The following FUS variants were observed in gnomAD, a reference collection of about 807,000 sequenced individuals.
FUS encodes RNA-binding protein FUS.
In FUS, 5 loss-of-function variants were observed where a neutral mutation model predicts 82.7. The observed-to-expected ratio is 0.06, with a 90% CI of 0.03 to 0.13. The LOEUF (loss-of-function observed/expected upper bound fraction) is 0.13, where lower values mean the gene tolerates loss of function less well. FUS is among the 10% of genes least tolerant of loss of function. The pLI, the probability that FUS is intolerant of heterozygous loss-of-function variation, is 1.00. For missense variants in FUS, 512 were observed against 707.8 expected (o/e 0.72, Z 3.14); for synonymous variants, 281 against 247.4 (o/e 1.14, Z -1.27).
intron 3 of FUS, chr16:31,183,593 G>A (rs191385840): frequency 2.4e-5 from 12 of 492,676 alleles, no homozygotes; most frequent in Non-Finnish European, 3.3e-5. Flanking sequence ...AGGGATCCTT[G>A]GGCCTGGGTT....
chr16:31,188,397 TG>T lies in FUS; in HGVS notation c.832+42del, dbSNP rs1452049359. 2.5e-6 allele frequency: 4 copies of T among 1,607,466 alleles called. No homozygotes were observed. In the African/African-American group the frequency reaches 5.4e-5, roughly 22 times the overall value. Reference sequence around the variant, plus strand: ...GGTGGCATGAAAAGAGTGGCTAAAGTGGTATCAAGACTGCCTGGATGTTCTT... The same window carrying T: ...GGTGGCATGAAAAGAGTGGCTAAAGTGTATCAAGACTGCCTGGATGTTCTT... On this transcript the variant is annotated intron_variant, in intron 8 of 14. Transcript: ENST00000254108.
chr16:31,189,610 G>T, intron 9 of FUS, 55 bp from the exon 10 acceptor site: 2 of 1,612,744 alleles, frequency 1.2e-6, no homozygotes, highest in East Asian at 4.5e-5. Flanking sequence ...GAAGAAGATG[G>T]AAAGGGAGTA....
intron 11 of FUS, 43 bp from the exon 12 acceptor site, chr16:31,190,232 A>G: frequency 6.2e-7 from 1 of 1,614,062 alleles, no homozygotes; most frequent in Non-Finnish European, 8.5e-7. Context: ...GATTTACCAA[A>G]CTTGGAGAGG....
At chr16:31,187,869 A>G (rs2079293312) in intron 7 of FUS, 3 of 247,774 alleles carry the variant, frequency 1.2e-5, no homozygotes, top group Admixed American at 1.0e-4. Context: ...GAAATTAAAA[A>G]TTGTTCCACA....
At position 31,184,997 on chromosome 16, in the gene FUS, T is replaced by C. The variant is rs752293264; in HGVS notation, c.582T>C (p.Tyr194=). ...MSSGGGSGGG[Y]GNQDQSGGGG... ...GTGGTGGTGGCAGTGGTGGCGGTTA[T>C]GGCAATCAAGACCAGAGTGGTGGAG... Residue 194 remains tyrosine (Y), a synonymous_variant, in exon 6 of 15, where the codon TAT becomes TAC. Coordinates refer to ENST00000254108, the MANE Select transcript of FUS (RefSeq NM_004960.4). The C allele has an allele frequency of 6.2e-6, 10 of 1,613,794 alleles. No homozygotes were observed. The highest frequency in any genetic ancestry group is 5.5e-5 in the South Asian group (5 of 91,064).
At position 31,183,883 on chromosome 16, in the gene FUS, C is replaced by G. The variant is rs756609265; in HGVS notation, c.216C>G (p.Pro72=). 1.9e-6 allele frequency: 3 copies of G among 1,614,166 alleles called. No individual in the cohort carries two copies. The highest frequency in any genetic ancestry group is 2.2e-5 in the South Asian group (2 of 91,082). The change falls in exon 4 of 15, where the codon CCC becomes CCG. Residue 72 remains proline, a synonymous_variant. Transcript: ENST00000254108. ...QNTGYGTQST[P]QGYGSTGGYG... is the part of the protein sequence containing the mutation. The stretch of plus-strand genomic sequence containing the variant: ...CAGGCTATGGAACTCAGTCAACTCC[C>G]CAGGGATATGGCTCGACTGGCGGCT...
rs375732896 is a variant in FUS at position 31,190,944 on chromosome 16, C to G, written c.1394-19C>G. The stretch of plus-strand genomic sequence containing the variant: ...ATAGGGGAATGGGAATATGATAGAT[C>G]TTGTTTCTTTTGTCCTAGGGGGTAA... On this transcript the variant is annotated intron_variant, in intron 13 of 14. Transcript: ENST00000254108. 2.2e-5 allele frequency: 35 copies of G among 1,610,324 alleles called. No individual in the cohort carries two copies. Among genetic ancestry groups the G allele is most frequent in the Non-Finnish European group, 2.9e-5 (34 of 1,177,434 alleles).
rs755291412 is a variant in FUS at position 31,184,924 on chromosome 16, T to A, written c.524-15T>A. On this transcript the variant is annotated splice_polypyrimidine_tract_variant and intron_variant, in intron 5 of 14. Coordinates refer to ENST00000254108, the MANE Select transcript of FUS (RefSeq NM_004960.4). ...TTTTGTTTTTTTTTTTTAATCATTC[T>A]TTCTTTTCTCACAGGTAACTATGGC... 4.0e-5 allele frequency: 65 copies of A among 1,611,594 alleles called. No homozygotes were observed. The highest frequency in any genetic ancestry group is 5.3e-5 in the Non-Finnish European group (63 of 1,178,138).
At chr16:31,192,349 C>T (rs1174344062), downstream of FUS, 5 of 526,402 alleles carry the variant, frequency 9.5e-6, no homozygotes, top group East Asian at 2.0e-4. Context: ...GCTCCTCAGC[C>T]TCTTACCATG....
At position 31,184,359 on chromosome 16, in the gene FUS, C is replaced by T. The variant is rs1219224445; in HGVS notation, c.486C>T (p.Asn162=). 2 of 1,613,830 alleles carry T rather than the reference C, an allele frequency of 1.2e-6. No homozygotes were observed. Among genetic ancestry groups the T allele is most frequent in the South Asian group, 1.1e-5 (1 of 91,072 alleles). The change falls in exon 5 of 15, where the codon AAC becomes AAT. Residue 162 remains asparagine, a synonymous_variant. Coordinates refer to ENST00000254108, the MANE Select transcript of FUS (RefSeq NM_004960.4). ...PQGYGQQNQY[N]SSSGGGGGGG... is the part of the protein sequence containing the mutation. ...GCTATGGACAGCAGAACCAGTACAA[C>T]AGCAGCAGTGGTGGTGGAGGTGGAG...
chr16:31,194,229 C>A (rs1201624253), downstream of FUS: 1 of 531,436 alleles, frequency 1.9e-6, no homozygotes, highest in Non-Finnish European at 3.6e-6. Context: ...GGGTCCAGCC[C>A]ATGTGAGACT....
chr16:31,188,392 T>TA, intron 8 of FUS, 35 bp downstream of exon 8: 1 of 1,610,548 alleles, frequency 6.2e-7, no homozygotes, highest in Non-Finnish European at 8.5e-7. Flanking sequence ...AAAGAGTGGC[T>TA]AAAGTGGTAT....
intron 9 of FUS, 74 bp from the exon 10 acceptor site, chr16:31,189,591 G>A: frequency 2.5e-6 from 4 of 1,602,292 alleles, no homozygotes; most frequent in Non-Finnish European, 3.4e-6. Context: ...TAAACCTCAT[G>A]TTCTAGAGGA....
intron 12 of FUS, 96 bp from the exon 13 acceptor site, chr16:31,190,646 C>T: frequency 2.3e-6 from 3 of 1,293,464 alleles, no homozygotes; most frequent in Non-Finnish European, 3.4e-6. Context: ...GCTTCAGTTT[C>T]CTCACTGTAT....
downstream of FUS, chr16:31,192,389 C>T (rs764279119): frequency 1.9e-6 from 1 of 523,842 alleles, no homozygotes; most frequent in South Asian, 1.5e-5. Flanking sequence ...ACCTGCCAAC[C>T]AGTTATTTAG....
At chr16:31,190,612 A>T in intron 12 of FUS, 130 bp from the exon 13 acceptor site, 3 of 1,173,886 alleles carry the variant, frequency 2.6e-6, no homozygotes, top group Non-Finnish European at 3.8e-6. Flanking sequence ...GACTCTGAGA[A>T]GCAAGCCGTT....
At chr16:31,194,314 A>G (rs1283417550), downstream of FUS, 2 of 511,522 alleles carry the variant, frequency 3.9e-6, no homozygotes, top group Admixed American at 2.3e-5. Flanking sequence ...TTTTTTTGAG[A>G]CGGTCTCACT....
chr16:31,182,702 T>C (rs896093108), intron 3 of FUS, 38 bp downstream of exon 3: 5 of 1,613,424 alleles, frequency 3.1e-6, no homozygotes, highest in African/African-American at 2.7e-5. Context: ...TCCTACTCTT[T>C]CTGAATATTG....
At chr16:31,182,484 C>G (rs767929180) in intron 2 of FUS, 29 bp from the exon 3 acceptor site, 4 of 1,614,206 alleles carry the variant, frequency 2.5e-6, no homozygotes, top group South Asian at 2.2e-5. Flanking sequence ...GCCATGTTTT[C>G]TGATCACGCT....
Sources: allele counts gnomAD v4.1 joint callset, GRCh38; gene constraint gnomAD v4.1.1; transcripts MANE v1.5; gene names NCBI Gene and HGNC (gene_info 2026-07-23, HGNC 2026-07-21).